The following GALNTL6 variants were observed in gnomAD, a reference collection of about 807,000 sequenced individuals.
GALNTL6 encodes polypeptide N-acetylgalactosaminyltransferase-like 6.
Under a neutral mutation model 73.7 loss-of-function variants are expected in GALNTL6, and 46 were observed. The ratio of observed to expected loss-of-function variants is 0.62; its 90% CI spans 0.49 to 0.80. The LOEUF is 0.80. GALNTL6 is among the 30% of genes least tolerant of loss of function. The pLI is 0.00. For missense variants in GALNTL6, 604 were observed against 755.0 expected, an observed-to-expected ratio of 0.80 and a Z score of 2.34; for synonymous variants, 259 against 263.7, an observed-to-expected ratio of 0.98 and a Z score of 0.17.
At chr4:171,847,593 T>C (rs1332914654) in intron 2 of GALNTL6, among the ~76,000 whole-genome samples, 1 of 152,174 alleles carries the variant, frequency 6.6e-6, no homozygotes, top group African/African-American at 2.4e-5. Context: ...GGGGTTAATT[T>C]TCTCAAACCC....
At chr4:172,836,338 T>C (rs1742909934) in intron 7 of GALNTL6, among the ~76,000 whole-genome samples, 1 of 152,244 alleles carries the variant, frequency 6.6e-6, no homozygotes, top group Non-Finnish European at 1.5e-5. Flanking sequence ...CAGCTTTCAC[T>C]TCCCTTTCAC....
At chr4:172,734,695 G>T (rs1240426711) in intron 5 of GALNTL6, among the ~76,000 whole-genome samples, 1 of 152,106 alleles carries the variant, frequency 6.6e-6, no homozygotes, top group Non-Finnish European at 1.5e-5. Flanking sequence ...GCTTTTCCAG[G>T]TGCATGGTGC....
chr4:172,439,743 T>C (rs1561083766), intron 5 of GALNTL6, among the ~76,000 whole-genome samples: 1 of 152,068 alleles, frequency 6.6e-6, no homozygotes, highest in Non-Finnish European at 1.5e-5. Context: ...CCTGAATCCC[T>C]TGTCCAAATC....
At chr4:172,912,168 C>T (rs74871965) in intron 8 of GALNTL6, among the ~76,000 whole-genome samples, 1,569 of 152,318 alleles carry the variant, frequency 0.01, 21 homozygotes, top group Middle Eastern at 0.068. Flanking sequence ...AAGTCCTTCA[C>T]CCAAAACCAA....
intron 3 of GALNTL6, among the ~76,000 whole-genome samples, chr4:172,275,916 C>T (rs62332767): frequency 0.42 from 63,089 of 151,920 alleles, 13,034 homozygotes; most frequent in Admixed American, 0.45. Flanking sequence ...AAGTTTGTGC[C>T]GCTGCACTCC....
At chr4:172,155,084 G>A (rs761254066) in intron 2 of GALNTL6, among the ~76,000 whole-genome samples, 2 of 150,316 alleles carry the variant, frequency 1.3e-5, no homozygotes, top group Non-Finnish European at 3.0e-5. Context: ...TGCAACCTCC[G>A]CCTCCTAGGT....
chr4:172,594,991 G>A (rs1232015113), intron 5 of GALNTL6, among the ~76,000 whole-genome samples: 1 of 152,156 alleles, frequency 6.6e-6, no homozygotes, highest in African/African-American at 2.4e-5. Flanking sequence ...GTTCTGATGA[G>A]GGCCCTCTTC....
At chr4:172,193,891 CA>C (rs1299856312) in intron 2 of GALNTL6, among the ~76,000 whole-genome samples, 2 of 151,734 alleles carry the variant, frequency 1.3e-5, no homozygotes, top group African/African-American at 4.8e-5. Flanking sequence ...AAATAATCAA[CA>C]AAAAAATGCC....
chr4:172,620,816 A>T (rs754790648), intron 5 of GALNTL6, among the ~76,000 whole-genome samples: 1 of 152,172 alleles, frequency 6.6e-6, no homozygotes, highest in East Asian at 1.9e-4. Context: ...ATATCCATGG[A>T]TATTTCAAGG....
intron 5 of GALNTL6, among the ~76,000 whole-genome samples, chr4:172,569,182 C>G (rs1326396866): frequency 1.3e-5 from 2 of 152,096 alleles, no homozygotes; most frequent in African/African-American, 4.8e-5. Flanking sequence ...AGTTCTGGAG[C>G]CTGGGAAATC....
At chr4:171,909,386 A>G (rs570588752) in intron 2 of GALNTL6, among the ~76,000 whole-genome samples, 4 of 152,144 alleles carry the variant, frequency 2.6e-5, no homozygotes, top group Non-Finnish European at 5.9e-5. Flanking sequence ...TCTTGTGATC[A>G]AATATTCTAT....
chr4:172,980,247 T>A (rs546202555), intron 10 of GALNTL6, among the ~76,000 whole-genome samples: 3 of 152,342 alleles, frequency 2.0e-5, no homozygotes, highest in African/African-American at 7.2e-5. Flanking sequence ...CACTACCAAA[T>A]AGGCACTGTA....
intron 5 of GALNTL6, among the ~76,000 whole-genome samples, chr4:172,636,148 C>G (rs1739666899): frequency 6.6e-6 from 1 of 152,002 alleles, no homozygotes; most frequent in Non-Finnish European, 1.5e-5. Flanking sequence ...TTGTTTTAAC[C>G]AAAAGTCAGA....
At chr4:172,113,452 TTATTTC>T (rs1732908535) in intron 2 of GALNTL6, among the ~76,000 whole-genome samples, 1 of 152,056 alleles carries the variant, frequency 6.6e-6, no homozygotes, top group African/African-American at 2.4e-5. Context: ...TCAGACATCT[TTATTTC>T]TACTTCTTTT....
intron 5 of GALNTL6, among the ~76,000 whole-genome samples, chr4:172,471,125 C>T (rs2111463011): frequency 6.6e-6 from 1 of 152,318 alleles, no homozygotes; most frequent in East Asian, 1.9e-4. Flanking sequence ...TACCCTGAAA[C>T]ACCTAGGGAC....
intron 5 of GALNTL6, among the ~76,000 whole-genome samples, chr4:172,448,204 T>C (rs1200583699): frequency 6.6e-6 from 1 of 152,172 alleles, no homozygotes; most frequent in Non-Finnish European, 1.5e-5. Flanking sequence ...GGAGATTCTG[T>C]TGGTTCTGTG....
Position 172,748,718 on chromosome 4 carries a change from A to C in GALNTL6, c.554-60643A>C, listed in dbSNP as rs111447200. Among the ~76,000 whole-genome samples, 1,343 of 152,240 alleles carry C rather than the reference A, an allele frequency of 8.8e-3. 24 individuals carry two copies. The highest frequency in any genetic ancestry group is 0.031 in the African/African-American group (1,291 of 41,530). On this transcript the variant is annotated intron_variant, in intron 5 of 12. Coordinates refer to ENST00000506823, the MANE Select transcript of GALNTL6 (RefSeq NM_001034845.3). Reference sequence around the variant, plus strand: ...ATCGCACAGCAGGAGGGCTACAGTTAATAATAATGTATATTTCAAAATAGC... The same window carrying C: ...ATCGCACAGCAGGAGGGCTACAGTTCATAATAATGTATATTTCAAAATAGC...
At chr4:171,862,104 T>G (rs958873886) in intron 2 of GALNTL6, among the ~76,000 whole-genome samples, 1 of 152,184 alleles carries the variant, frequency 6.6e-6, no homozygotes, top group Non-Finnish European at 1.5e-5. Flanking sequence ...ATAACCAGTA[T>G]TTCAACCTAG....
At chr4:172,282,302 C>A (rs576162610) in intron 3 of GALNTL6, among the ~76,000 whole-genome samples, 1 of 152,268 alleles carries the variant, frequency 6.6e-6, no homozygotes, top group South Asian at 2.1e-4. Flanking sequence ...GCCATCAGGG[C>A]AAAGCAAAGT....
Sources: allele counts gnomAD v4.1 joint callset (sites outside exome capture counted in the v4.1 genomes callset), GRCh38; gene constraint gnomAD v4.1.1; transcripts MANE v1.5; gene names NCBI Gene and HGNC (gene_info 2026-07-23, HGNC 2026-07-21).